Variants in PRDM11 observed in about 807,000 individuals in gnomAD.
PRDM11 encodes PR/SET domain 11.
PRDM11 carries 20 observed loss-of-function variants against 97.8 expected under a neutral mutation model. The ratio of observed to expected loss-of-function variants is 0.20; its 90% confidence interval spans 0.14 to 0.30. The LOEUF (loss-of-function observed/expected upper bound fraction) is 0.30, where lower values mean the gene tolerates loss of function less well. Among genes scored for constraint, PRDM11 ranks in the 10% least tolerant of loss-of-function variants. PRDM11 has a pLI of 1.00. For synonymous variants in PRDM11, 599 were observed against 637.7 expected (o/e 0.94, Z 0.91); for missense variants, 1,139 against 1,555.2 (o/e 0.73, Z 4.50).
At chr11:45,099,729 G>C (rs1049658668) in intron 1 of PRDM11, among the ~76,000 whole-genome samples, 3 of 152,096 alleles carry the variant, frequency 2.0e-5, no homozygotes, top group Non-Finnish European at 4.4e-5. Context: ...CAATTACAGT[G>C]TTTTCATTAT....
intron 4 of PRDM11, among the ~76,000 whole-genome samples, chr11:45,186,768 C>G (rs1438780335): frequency 6.6e-6 from 1 of 152,204 alleles, no homozygotes; most frequent in Non-Finnish European, 1.5e-5. Context: ...TCTGGCATCT[C>G]ATACTCTTCC....
rs1455479153 is a variant in PRDM11, at chr11:45,227,977, G to A, written c.3352G>A (p.Ala1118Thr). ...GCAGCTTAGCGACCTGTTGACAATC[G>A]CTGTAAACGGACCGCCAATCACCAA... is the stretch of plus-strand genomic sequence containing the variant. ...LEQLSDLLTIAVNGPPITNFD... is the reference protein window; with the variant it reads ...LEQLSDLLTITVNGPPITNFD... The change falls in exon 8 of 8, where the codon GCT (alanine) becomes ACT (threonine). Residue 1118 changes from alanine to threonine, a missense_variant. By Grantham distance (58) the Ala-to-Thr change is moderately conservative. Coordinates refer to ENST00000683152, the MANE Select transcript of PRDM11 (RefSeq NM_001384648.1). The surrounding 1 kb of genome is among the most constrained non-coding windows in gnomAD (Gnocchi z 8.0). The A allele has an allele frequency of 5.9e-6, 9 of 1,533,656 alleles. No individual in the cohort carries two copies. The highest frequency in any genetic ancestry group is 4.9e-5 in the East Asian group (2 of 40,910).
At chr11:45,202,800 T>C (rs1277652136) in intron 4 of PRDM11, among the ~76,000 whole-genome samples, 1 of 152,208 alleles carries the variant, frequency 6.6e-6, no homozygotes, top group African/African-American at 2.4e-5. Flanking sequence ...CTTTAGCTGA[T>C]GGGCACAGGG....
intron 1 of PRDM11, among the ~76,000 whole-genome samples, chr11:45,099,251 G>T (rs1341514570): frequency 1.3e-5 from 2 of 151,898 alleles, no homozygotes; most frequent in African/African-American, 4.8e-5. Flanking sequence ...TCAGGAATTC[G>T]AGAGCAGCCT....
intron 5 of PRDM11, among the ~76,000 whole-genome samples, chr11:45,210,846 C>T (rs1196572887): frequency 6.6e-6 from 1 of 152,174 alleles, no homozygotes; most frequent in Admixed American, 6.5e-5. Context: ...TCAGTGTTTT[C>T]CTAAGTCTTA....
chr11:45,164,895 C>A (rs758746020), intron 1 of PRDM11, among the ~76,000 whole-genome samples: 14 of 152,056 alleles, frequency 9.2e-5, no homozygotes, highest in Non-Finnish European at 1.3e-4. Flanking sequence ...CCTCATTGTG[C>A]AGATGGGTAA....
chr11:45,181,352 T>C (rs935188218), intron 1 of PRDM11, among the ~76,000 whole-genome samples: 6 of 152,194 alleles, frequency 3.9e-5, no homozygotes, highest in Non-Finnish European at 8.8e-5. Context: ...CCGTTCGGTC[T>C]GCCCACTACC....
intron 5 of PRDM11, among the ~76,000 whole-genome samples, chr11:45,207,453 GACA>G (rs1565325212): frequency 3.0e-5 from 2 of 67,212 alleles, no homozygotes; most frequent in Non-Finnish European, 8.2e-5. Flanking sequence ...AAGGCCTGGA[GACA>G]TGTTTGATGG....
Position 45,095,844 on chromosome 11 carries a change from C to T in PRDM11, c.39C>T (p.Ile13=), listed in dbSNP as rs757275466. Reference sequence around the variant, plus strand: ...CAGAGCCAATTGCATCCCTGATGATCGTGGAGTGCCGGGCCTGCCTGAGAT... The same window carrying T: ...CAGAGCCAATTGCATCCCTGATGATTGTGGAGTGCCGGGCCTGCCTGAGAT... Residue 13 remains isoleucine, a synonymous_variant, in exon 1 of 7, where the codon ATC becomes ATT. Coordinates refer to the PRDM11 transcript ENST00000530656. The T allele has an allele frequency of 1.1e-4, 88 of 777,800 alleles. 1 individual carries two copies. The highest frequency in any genetic ancestry group is 9.9e-4 in the South Asian group (73 of 74,084). The allele number at this position is 777,800 out of a possible 1,614,324, so 48.2% of individuals were successfully genotyped here.
rs1008417540 is a variant in PRDM11, at chr11:45,163,689, G to A, written c.-7+16812G>A. Reference sequence around the variant, plus strand: ...TTGAGTAAGTCCCTTTCCCTCTCTGGGCCTTGGTGCACCACCCTGTAAAGT... The same window carrying A: ...TTGAGTAAGTCCCTTTCCCTCTCTGAGCCTTGGTGCACCACCCTGTAAAGT... On this transcript the variant is annotated intron_variant, in intron 1 of 7. Coordinates refer to ENST00000683152, the MANE Select transcript of PRDM11 (RefSeq NM_001384648.1). Among the ~76,000 whole-genome samples the A allele has an allele frequency of 6.6e-5, 10 of 152,136 alleles. 1 individual carries two copies. The highest frequency in any genetic ancestry group is 6.5e-4 in the Admixed American group (10 of 15,286).
rs890266252 is a variant in PRDM11 at position 45,228,095 on chromosome 11, C to T, written c.3470C>T (p.Ala1157Val). Residue 1157 changes from alanine (A) to valine (V), a missense_variant, in exon 8 of 8, where the codon GCG becomes GTG. Ala to Val is a moderately conservative substitution (Grantham distance 64). Transcript: ENST00000683152. ...LSAEVLSRMS[A>V]LEQKPALQTM... ...GCAGAAGTCCTCAGTAGGATGTCTG[C>T]GCTGGAGCAGAAGCCAGCACTACAG... The T allele has an allele frequency of 1.1e-5, 17 of 1,533,564 alleles. No individual in the cohort carries two copies. The highest frequency in any genetic ancestry group is 6.9e-5 in the African/African-American group (5 of 72,874). The allele number at this position is 1,533,564 out of a possible 1,614,324, so 95.0% of individuals were successfully genotyped here.
rs570768055 is a variant in PRDM11 at position 45,111,141 on chromosome 11, C to T, written c.96+15240C>T. ...ATCTCCATAATTCTAAGCACTAGTT[C>T]TTGATTTCACCATTTTCGACACCAT... is the stretch of plus-strand genomic sequence containing the variant. On this transcript the variant is annotated intron_variant, in intron 1 of 6. Transcript: ENST00000530656. Among the ~76,000 whole-genome samples the T allele has an allele frequency of 9.2e-5, 14 of 152,202 alleles. No homozygotes were observed. In the East Asian group the frequency reaches 2.5e-3, roughly 27 times the overall value.
intron 4 of PRDM11, 99 bp from the exon 5 acceptor site, chr11:45,204,612 G>T (rs1853441774): frequency 9.4e-7 from 1 of 1,067,160 alleles, no homozygotes; most frequent in Middle Eastern, 2.1e-4. Flanking sequence ...GGGGGAGGGA[G>T]CAGGTGGGAC....
chr11:45,210,027 CAG>C (rs1007278737), intron 5 of PRDM11, among the ~76,000 whole-genome samples: 27 of 152,298 alleles, frequency 1.8e-4, no homozygotes, highest in Middle Eastern at 3.4e-3. Flanking sequence ...GTTCCAGGAA[CAG>C]TGAGAAGCCA....
At chr11:45,099,472 A>T (rs1851936355) in intron 1 of PRDM11, among the ~76,000 whole-genome samples, 1 of 151,158 alleles carries the variant, frequency 6.6e-6, no homozygotes, top group Admixed American at 6.6e-5. Flanking sequence ...AAAAAAAAAA[A>T]AAATCACAGG....
intron 1 of PRDM11, among the ~76,000 whole-genome samples, chr11:45,117,389 A>C (rs10742739): frequency 0.43 from 66,062 of 152,082 alleles, 17,316 homozygotes; most frequent in Non-Finnish European, 0.58. Context: ...TAAATGGGAG[A>C]AGGCAGATAA....
At position 45,224,698 on chromosome 11, in the gene PRDM11, C is replaced by T. The variant is rs766668191; in HGVS notation, c.1224C>T (p.Thr408=). 30 of 1,614,074 alleles carry T rather than the reference C, an allele frequency of 1.9e-5. No homozygotes were observed. Among genetic ancestry groups the T allele is most frequent in the Non-Finnish European group, 2.5e-5 (30 of 1,180,050 alleles). The change falls in exon 7 of 8, where the codon ACC becomes ACT. Residue 408 remains threonine, a synonymous_variant. Coordinates refer to ENST00000683152, the MANE Select transcript of PRDM11 (RefSeq NM_001384648.1). ...CTGACCCTCATGAACTTCCCACCAC[C>T]TCTTTTTGCCCTAACTGTATTCGCC... ...LASDPHELPT[T]SFCPNCIRLK...
rs183100541 is a variant in PRDM11, at chr11:45,196,721, G to A, written c.487-7990G>A. The stretch of plus-strand genomic sequence containing the variant: ...CAAGGCTGTGTGTGGTCAGGGTAGC[G>A]GGTGGTTGGTCCTGAGGCTGGTCCA... On this transcript the variant is annotated intron_variant, in intron 4 of 7. Coordinates refer to ENST00000683152, the MANE Select transcript of PRDM11 (RefSeq NM_001384648.1). 5.9e-3 allele frequency among the ~76,000 whole-genome samples: 906 copies of A among 152,292 alleles called. 3 individuals carry two copies. The highest frequency in any genetic ancestry group is 0.031 in the Middle Eastern group (9 of 294).
chr11:45,199,168 A>G (rs1429741202), intron 4 of PRDM11, among the ~76,000 whole-genome samples: 2 of 152,194 alleles, frequency 1.3e-5, no homozygotes, highest in African/African-American at 4.8e-5. Context: ...TGTTATTTTT[A>G]TGAGCATCTC....
Sources: gnomAD v4.1 joint callset for allele counts (sites outside exome capture counted in the v4.1 genomes callset) on GRCh38, gnomAD v4.1.1 for gene constraint, Gnocchi (gnomAD v3.1) non-coding constraint, MANE v1.5 for transcripts, NCBI Gene and HGNC (gene_info 2026-07-23, HGNC 2026-07-21) for gene names.